The following SBF2 variants were observed in gnomAD, a reference collection of about 807,000 sequenced individuals.
SBF2 encodes myotubularin-related protein 13.
SBF2 carries 112 observed loss-of-function variants against 225.2 expected under a neutral mutation model. That is an observed-to-expected ratio of 0.50 (90% CI 0.43 to 0.58). The LOEUF (loss-of-function observed/expected upper bound fraction) is 0.58, where lower values mean the gene tolerates loss of function less well. Among genes scored for constraint, SBF2 ranks in the 20% least tolerant of loss-of-function variants. The pLI is 0.00. For synonymous variants in SBF2, 763 were observed against 773.3 expected (o/e 0.99, Z 0.22); for missense variants, 1,996 against 2,206.2 (o/e 0.90, Z 1.91).
At chr11:9,983,291 G>A (rs1426343211) in intron 13 of SBF2, among the ~76,000 whole-genome samples, 3 of 152,144 alleles carry the variant, frequency 2.0e-5, no homozygotes, top group Non-Finnish European at 4.4e-5. Flanking sequence ...GCTGGGTGAG[G>A]CCTGTGACTG....
chr11:10,124,360 G>GA (rs1332872706), intron 2 of SBF2, among the ~76,000 whole-genome samples: 1 of 152,132 alleles, frequency 6.6e-6, no homozygotes, highest in African/African-American at 2.4e-5. Flanking sequence ...TAGACACTGT[G>GA]AAGTTCCATG....
chr11:9,977,441 C>A (rs1284229703), intron 13 of SBF2, among the ~76,000 whole-genome samples: 1 of 149,890 alleles, frequency 6.7e-6, no homozygotes, highest in Non-Finnish European at 1.5e-5. Context: ...GAGCTATGAT[C>A]AAGCCACTGC....
At chr11:10,053,088 C>G (rs531981547) in intron 2 of SBF2, among the ~76,000 whole-genome samples, 12 of 152,076 alleles carry the variant, frequency 7.9e-5, no homozygotes, top group Middle Eastern at 3.4e-3. Context: ...TTTTTCTCCC[C>G]TTCCTATAAC....
intron 3 of SBF2, among the ~76,000 whole-genome samples, chr11:10,041,576 T>A (rs1949659492): frequency 6.6e-6 from 1 of 152,186 alleles, no homozygotes; most frequent in Admixed American, 6.5e-5. Flanking sequence ...TTTTCACATT[T>A]CCTATAAATT....
intron 16 of SBF2, among the ~76,000 whole-genome samples, chr11:9,947,195 A>C (rs1590569527): frequency 1.3e-5 from 2 of 152,324 alleles, no homozygotes; most frequent in East Asian, 1.9e-4. Context: ...ACTGCCATAA[A>C]ATATTTTAGT....
At chr11:10,171,262 T>C (rs55925664) in intron 2 of SBF2, among the ~76,000 whole-genome samples, 1 of 152,068 alleles carries the variant, frequency 6.6e-6, no homozygotes, top group Non-Finnish European at 1.5e-5. Flanking sequence ...TTCATAATGA[T>C]ATTAGCTGTG....
chr11:10,178,051 T>C (rs1274977428), intron 2 of SBF2, among the ~76,000 whole-genome samples: 1 of 146,442 alleles, frequency 6.8e-6, no homozygotes. Flanking sequence ...TATCTACAAC[T>C]ATCTGATCTT....
intron 2 of SBF2, among the ~76,000 whole-genome samples, chr11:10,100,135 T>C (rs962860491): frequency 1.3e-5 from 2 of 152,124 alleles, no homozygotes; most frequent in Admixed American, 1.3e-4. Flanking sequence ...ACACATAGGC[T>C]AAAAGGGGAT....
At chr11:9,937,528 A>C (rs1590531394) in intron 16 of SBF2, among the ~76,000 whole-genome samples, 2 of 152,316 alleles carry the variant, frequency 1.3e-5, no homozygotes, top group East Asian at 3.9e-4. Flanking sequence ...TATCCTAAAT[A>C]ACAAAACACT....
intron 2 of SBF2, among the ~76,000 whole-genome samples, chr11:10,143,784 C>G (rs1954761294): frequency 6.6e-6 from 1 of 151,972 alleles, no homozygotes; most frequent in Non-Finnish European, 1.5e-5. Context: ...GTAGCGCTAT[C>G]TTGGCTCACT....
At chr11:9,860,100 G>A (rs952744172) in intron 17 of SBF2, among the ~76,000 whole-genome samples, 12 of 152,116 alleles carry the variant, frequency 7.9e-5, no homozygotes, top group East Asian at 3.8e-4. Flanking sequence ...TTGTGAGTGC[G>A]TAAGCAGAAG....
intron 1 of SBF2, among the ~76,000 whole-genome samples, chr11:10,289,090 G>A (rs922727895): frequency 1.3e-5 from 2 of 152,248 alleles, no homozygotes; most frequent in Non-Finnish European, 2.9e-5. Flanking sequence ...GGGCTGAGGA[G>A]GCAGGGGCCC....
intron 21 of SBF2, among the ~76,000 whole-genome samples, chr11:9,852,228 C>T (rs900923411): frequency 1.3e-5 from 2 of 152,094 alleles, no homozygotes; most frequent in Non-Finnish European, 2.9e-5. Context: ...ATTCAGGAGG[C>T]TGGGGTTGGG....
intron 1 of SBF2, among the ~76,000 whole-genome samples, chr11:10,227,896 G>A (rs898086020): frequency 2.0e-5 from 3 of 151,144 alleles, no homozygotes; most frequent in African/African-American, 7.3e-5. Flanking sequence ...CATTGAATCT[G>A]TAAATTACCT....
chr11:10,191,786 G>C (rs1237948068), intron 2 of SBF2, among the ~76,000 whole-genome samples: 1 of 152,148 alleles, frequency 6.6e-6, no homozygotes, highest in Admixed American at 6.5e-5. Flanking sequence ...TATTTACTAA[G>C]TAGTAAAATC....
In SBF2 at chr11:9,812,964, G is replaced by A. The variant is rs139479293; in HGVS notation, c.3979-256C>T. Among the ~76,000 whole-genome samples the A allele has an allele frequency of 0.02, 3,016 of 152,290 alleles. 56 individuals carry two copies. Among genetic ancestry groups the A allele is most frequent in the Non-Finnish European group, 0.031 (2,138 of 68,022 alleles). ...GGTAGATTACTTAGCCTAAGAATGCGTTCATTCTGAGAACTGGAAGAGCCT... is the reference window on the plus strand; with the variant it reads ...GGTAGATTACTTAGCCTAAGAATGCATTCATTCTGAGAACTGGAAGAGCCT... On this transcript the variant is annotated intron_variant, in intron 29 of 39. Transcript: ENST00000256190.
intron 2 of SBF2, among the ~76,000 whole-genome samples, chr11:10,075,888 CA>C (rs1756162710): frequency 6.6e-6 from 1 of 151,570 alleles, no homozygotes; most frequent in Non-Finnish European, 1.5e-5. Context: ...AACAGAAAAC[CA>C]TTTCTGGTAG....
intron 15 of SBF2, among the ~76,000 whole-genome samples, chr11:9,963,183 G>A (rs1425229556): frequency 2.0e-5 from 3 of 152,106 alleles, no homozygotes; most frequent in Non-Finnish European, 2.9e-5. Context: ...GTTAAGTTTT[G>A]GCCAAGCATG....
At chr11:9,914,804 G>T (rs927132244) in intron 16 of SBF2, among the ~76,000 whole-genome samples, 1 of 151,486 alleles carries the variant, frequency 6.6e-6, no homozygotes, top group Non-Finnish European at 1.5e-5. Context: ...ACAACACCAA[G>T]AATGAACCCT....
Sources: allele counts gnomAD v4.1 joint callset (sites outside exome capture counted in the v4.1 genomes callset), GRCh38; gene constraint gnomAD v4.1.1; transcripts MANE v1.5; gene names NCBI Gene and HGNC (gene_info 2026-07-23, HGNC 2026-07-21).